TMEM63A: variants seen among roughly 807,000 people sequenced by gnomAD.
The protein encoded by TMEM63A is mechanosensitive cation channel TMEM63A.
A neutral mutation model predicts 100.6 loss-of-function variants in TMEM63A; 76 were observed. The observed-to-expected ratio is 0.76, with a 90% CI of 0.63 to 0.91. The LOEUF (loss-of-function observed/expected upper bound fraction) is 0.91, where lower values mean the gene tolerates loss of function less well. TMEM63A is among the 40% of genes least tolerant of loss of function. The pLI is 0.00. For missense variants in TMEM63A, 876 were observed against 1,008.8 expected, an observed-to-expected ratio of 0.87 and a Z score of 1.78; for synonymous variants, 401 against 401.1, an observed-to-expected ratio of 1.00 and a Z score of 0.00.
chr1:225,857,389 G>GTT (rs1559039371), intron 15 of TMEM63A, among the ~76,000 whole-genome samples: 3 of 133,732 alleles, frequency 2.2e-5, no homozygotes, highest in Non-Finnish European at 3.2e-5. Flanking sequence ...CGGGGCGGGG[G>GTT]GGGGGGGGTG....
intron 8 of TMEM63A, 83 bp from the exon 9 acceptor site, chr1:225,866,765 G>T: frequency 7.8e-7 from 1 of 1,282,148 alleles, no homozygotes; most frequent in Non-Finnish European, 1.1e-6. Flanking sequence ...GTTACCCTCA[G>T]TGGGCACTGA....
chr1:225,845,273 T>G, downstream of TMEM63A: 1 of 1,613,576 alleles, frequency 6.2e-7, no homozygotes, highest in Non-Finnish European at 8.5e-7. Flanking sequence ...TGGGGGCCAC[T>G]TTGCGGCCTT....
chr1:225,857,376 CGGCGG>C (rs200798150), intron 15 of TMEM63A, among the ~76,000 whole-genome samples: 330 of 3,260 alleles, frequency 0.1, 19 homozygotes, highest in Middle Eastern at 0.33. Context: ...GAGTCCTGGC[CGGCGG>C]GGCGGGGGGG....
downstream of TMEM63A, chr1:225,844,566 C>T: frequency 6.2e-7 from 1 of 1,614,138 alleles, no homozygotes; most frequent in East Asian, 2.2e-5. Flanking sequence ...ATCATCTCCT[C>T]CCAGCGCTTC....
chr1:225,862,778 T>C lies in TMEM63A; in HGVS notation c.820A>G (p.Lys274Glu), dbSNP rs921212141. 6.2e-7 allele frequency: 1 copy of C among 1,613,944 alleles called. No individual in the cohort carries two copies. Among genetic ancestry groups the C allele is most frequent in the Non-Finnish European group, 8.5e-7 (1 of 1,179,984 alleles). The change falls in exon 11 of 25, where the codon AAG becomes GAG. Residue 274 changes from lysine to glutamate, a missense_variant. By Grantham distance (56) the Lys-to-Glu change is moderately conservative (BLOSUM62 1). Transcript: ENST00000366835. The surrounding 1 kb of genome is among the most constrained non-coding windows in gnomAD (Gnocchi z 5.1). ...YNVAKLIYLC[K>E]EKKKTEKSLT... ...GGCCCGCCCACCACTCACTTCTCCT[T>C]GCACAGGTAGATCAGTTTGGCCACG... is the stretch of plus-strand genomic sequence containing the variant.
intron 14 of TMEM63A, 87 bp from the exon 15 acceptor site, chr1:225,859,436 C>T (rs1669822524): frequency 1.3e-6 from 2 of 1,525,586 alleles, no homozygotes; most frequent in Non-Finnish European, 1.8e-6. Flanking sequence ...TTTAGGCAGA[C>T]CAAGAGACTA....
At chr1:225,866,736 G>T (rs1391165538) in intron 8 of TMEM63A, 54 bp from the exon 9 acceptor site, 1 of 1,553,012 alleles carries the variant, frequency 6.4e-7, no homozygotes, top group African/African-American at 1.4e-5. Context: ...GGGAGCTGGG[G>T]GTGCAGAGCT....
intron 5 of TMEM63A, 78 bp downstream of exon 5, chr1:225,871,909 G>T: frequency 8.8e-7 from 1 of 1,133,484 alleles, no homozygotes; most frequent in Non-Finnish European, 1.3e-6. Context: ...CTCAAGATCC[G>T]CCCTGCTCCC....
At chr1:225,856,889 C>A (rs1669648856) in intron 16 of TMEM63A, 22 bp downstream of exon 16, 2 of 1,607,964 alleles carry the variant, frequency 1.2e-6, no homozygotes, top group Admixed American at 3.4e-5. Context: ...GGGGCAGGGC[C>A]TCGGGGCTCC....
chr1:225,858,621 G>A (rs958319424), intron 15 of TMEM63A, among the ~76,000 whole-genome samples: 1 of 151,994 alleles, frequency 6.6e-6, no homozygotes, highest in African/African-American at 2.4e-5. Context: ...TACCGTGCCC[G>A]GCCCCAAAAT....
intron 23 of TMEM63A, chr1:225,848,155 C>T: frequency 3.4e-6 from 1 of 290,024 alleles, no homozygotes; most frequent in Non-Finnish European, 6.4e-6. Context: ...TGATGACAAA[C>T]CTTTGTCAAA....
Position 225,845,554 on chromosome 1 carries a change from T to G in TMEM63A, c.*1385A>C. The G allele has an allele frequency of 1.6e-6, 1 of 611,020 alleles. No individual in the cohort carries two copies. Among genetic ancestry groups the G allele is most frequent in the Non-Finnish European group, 2.9e-6 (1 of 347,544 alleles). The allele number at this position is 611,020 out of a possible 1,614,324, so 37.8% of individuals were successfully genotyped here. On this transcript the variant is annotated 3_prime_UTR_variant, in exon 25 of 25. Coordinates refer to ENST00000366835, the MANE Select transcript of TMEM63A (RefSeq NM_014698.3). ...ACATGGCTTTGATGATAAACGACTT[T>G]ACTCTAAAAGCGGCTGGAACTCAGT...
At chr1:225,845,011 G>A (rs1369081143), downstream of TMEM63A, 10 of 992,880 alleles carry the variant, frequency 1.0e-5, no homozygotes, top group East Asian at 2.5e-5. Context: ...TGAGACCCTG[G>A]ATTTGTCCTT....
Position 225,868,033 on chromosome 1 carries a change from G to A in TMEM63A, c.372-3C>T. 1 of 1,614,124 alleles carries A rather than the reference G, an allele frequency of 6.2e-7. No individual in the cohort carries two copies. Among genetic ancestry groups the A allele is most frequent in the Non-Finnish European group, 8.5e-7 (1 of 1,179,986 alleles). Reference sequence around the variant, plus strand: ...ACCATTCCAGGATCTGGTCATCACTGGCCAAGACACAGAGGAATCTTAATG... The same window carrying A: ...ACCATTCCAGGATCTGGTCATCACTAGCCAAGACACAGAGGAATCTTAATG... On this transcript the variant is annotated splice_polypyrimidine_tract_variant and splice_region_variant and intron_variant, in intron 6 of 24. Transcript: ENST00000366835.
chr1:225,862,602 C>A lies in TMEM63A; in HGVS notation c.828-24G>T. 1 of 1,609,178 alleles carries A rather than the reference C, an allele frequency of 6.2e-7. No individual in the cohort carries two copies. The highest frequency in any genetic ancestry group is 8.5e-7 in the Non-Finnish European group (1 of 1,177,278). ...TTCTGTAGGGGTGGGAGCGGGGGCACAAACCTCAGATTTAGAATCCTGTGG... is the reference window on the plus strand; with the variant it reads ...TTCTGTAGGGGTGGGAGCGGGGGCAAAAACCTCAGATTTAGAATCCTGTGG... On this transcript the variant is annotated intron_variant, in intron 11 of 24. Coordinates refer to ENST00000366835, the MANE Select transcript of TMEM63A (RefSeq NM_014698.3). This position sits in a 1 kb window ranked among gnomAD's most constrained non-coding sequence, Gnocchi z 5.1.
chr1:225,855,370 A>G (rs1173476217), intron 18 of TMEM63A, among the ~76,000 whole-genome samples: 1 of 152,242 alleles, frequency 6.6e-6, no homozygotes, highest in Non-Finnish European at 1.5e-5. Context: ...AGATGCATAA[A>G]GCATTTAGCA....
At position 225,867,837 on chromosome 1, in the gene TMEM63A, ACTGC is replaced by A; in HGVS notation, c.514+47_514+50del. On this transcript the variant is annotated intron_variant, in intron 7 of 24. Coordinates refer to ENST00000366835, the MANE Select transcript of TMEM63A (RefSeq NM_014698.3). The surrounding 1 kb of genome is among the most constrained non-coding windows in gnomAD (Gnocchi z 4.6). Reference sequence around the variant, plus strand: ...TACCACAGTGAGCCCTTTCCCTAGGACTGCCACTCTGCCCCATTACAACATAGAC... The same window carrying A: ...TACCACAGTGAGCCCTTTCCCTAGGACACTCTGCCCCATTACAACATAGAC... 1.9e-6 allele frequency: 3 copies of A among 1,610,394 alleles called. No homozygotes were observed. The highest frequency in any genetic ancestry group is 2.5e-6 in the Non-Finnish European group (3 of 1,177,786).
At position 225,859,288 on chromosome 1, in the gene TMEM63A, G is replaced by C. The variant is rs753599553; in HGVS notation, c.1285C>G (p.Leu429Val). 3.1e-6 allele frequency: 5 copies of C among 1,614,170 alleles called. No homozygotes were observed. In the South Asian group the frequency reaches 4.4e-5, roughly 14 times the overall value. ...GTCAGGAAAAATAGCCCCAGGAAGA[G>C]GGTGAAGTTGATGCCCAGCCACTGT... ...WLQWLGINFT[L>V]FLGLFFLTTP... The change falls in exon 15 of 25, where the codon CTC becomes GTC. Residue 429 changes from leucine (L) to valine (V), a missense_variant. By Grantham distance (32) the Leu-to-Val change is conservative. Transcript: ENST00000366835.
chr1:225,842,661 G>T (rs768736406), downstream of TMEM63A, among the ~76,000 whole-genome samples: 8 of 152,260 alleles, frequency 5.3e-5, no homozygotes, highest in Non-Finnish European at 8.8e-5. Context: ...CTGGTGGGTT[G>T]TTCCCAGCCT....
Sources: allele counts gnomAD v4.1 joint callset (sites outside exome capture counted in the v4.1 genomes callset), GRCh38; gene constraint gnomAD v4.1.1; non-coding constraint Gnocchi (gnomAD v3.1); transcripts MANE v1.5; gene names NCBI Gene and HGNC (gene_info 2026-07-23, HGNC 2026-07-21).